RANGAP1: variants seen among roughly 807,000 people sequenced by gnomAD.
RANGAP1 encodes Ran GTPase activating protein 1.
Under a neutral mutation model 63.5 loss-of-function variants are expected in RANGAP1, and 38 were observed. The ratio of observed to expected loss-of-function variants is 0.60; its 90% CI spans 0.46 to 0.78. The LOEUF is 0.78. Ranked by LOEUF, RANGAP1 falls within the 30% of genes least tolerant of loss-of-function variation. The probability of loss-of-function intolerance (pLI) is 0.00; values close to 1 mark genes in which losing one functional copy is unlikely to be tolerated. For synonymous variants in RANGAP1, 329 were observed against 310.5 expected, an observed-to-expected ratio of 1.06 and a Z score of -0.63; for missense variants, 630 against 740.3, an observed-to-expected ratio of 0.85 and a Z score of 1.73.
chr22:41,281,223 G>C, intron 1 of RANGAP1, 141 bp from the exon 2 acceptor site: 5 of 1,010,420 alleles, frequency 4.9e-6, no homozygotes, highest in Non-Finnish European at 6.8e-6. Context: ...CTGGAAGAAA[G>C]GAAAACAGCA....
Position 41,249,311 on chromosome 22 carries a change from A to T in RANGAP1, c.1694+19T>A. 3 of 1,573,988 alleles carry T rather than the reference A, an allele frequency of 1.9e-6. No individual in the cohort carries two copies. The highest frequency in any genetic ancestry group is 2.6e-6 in the Non-Finnish European group (3 of 1,158,668). The stretch of plus-strand genomic sequence containing the variant: ...GCCCGAGAGGGCAGGCACCGGCAGA[A>T]GGACAAGGCCACACTCACTTGGTCA... On this transcript the variant is annotated intron_variant, in intron 15 of 15. Coordinates refer to ENST00000356244, the MANE Select transcript of RANGAP1 (RefSeq NM_002883.4).
At position 41,249,338 on chromosome 22, in the gene RANGAP1, G is replaced by A. The variant is rs754533610; in HGVS notation, c.1686C>T (p.Phe562=). The A allele has an allele frequency of 1.4e-5, 22 of 1,603,486 alleles. No homozygotes were observed. The Middle Eastern group carries it at 5.0e-4, about 36-fold the overall frequency. ...PKALAPLLLA[F]VTKPNSALES... ...GACAAGGCCACACTCACTTGGTCAC[G>A]AACGCCAGCAGCAGGGGTGCAAGGG... Residue 562 remains phenylalanine, a synonymous_variant, in exon 15 of 16, where the codon TTC becomes TTT. Transcript: ENST00000356244.
chr22:41,246,505 G>T lies in RANGAP1; in HGVS notation c.*98C>A. ...CACAGACCCGCCCTGCCTGTGGCCA[G>T]AGTCCTGTCCAAGGCAATGGCGTAG... is the stretch of plus-strand genomic sequence containing the variant. On this transcript the variant is annotated 3_prime_UTR_variant, in exon 16 of 16. Coordinates refer to ENST00000356244, the MANE Select transcript of RANGAP1 (RefSeq NM_002883.4). The T allele has an allele frequency of 7.5e-7, 1 of 1,337,292 alleles. No individual in the cohort carries two copies. Among genetic ancestry groups the T allele is most frequent in the Non-Finnish European group, 1.0e-6 (1 of 963,042 alleles). 82.8% of individuals were successfully genotyped at this position (1,337,292 alleles called of 1,614,324 possible).
chr22:41,281,566 G>A (rs1282650914), intron 1 of RANGAP1: 8 of 988,534 alleles, frequency 8.1e-6, no homozygotes, highest in Middle Eastern at 5.2e-4. Context: ...CACCACCCAC[G>A]CTGGCATGAC....
intron 3 of RANGAP1, among the ~76,000 whole-genome samples, chr22:41,273,903 A>G (rs2034988033): frequency 6.6e-6 from 1 of 151,470 alleles, no homozygotes; most frequent in African/African-American, 2.4e-5. Flanking sequence ...GTGAAACCCC[A>G]TCTCTACTAA....
intron 10 of RANGAP1, among the ~76,000 whole-genome samples, chr22:41,255,586 C>T (rs1203023325): frequency 6.7e-6 from 1 of 148,988 alleles, no homozygotes; most frequent in African/African-American, 2.5e-5. Context: ...GATCTGGCCT[C>T]ACCCCTTCAG....
In RANGAP1 at chr22:41,273,766, C is replaced by CAAAAA. The variant is rs71200678; in HGVS notation, c.240+829_240+833dup. Among the ~76,000 whole-genome samples, 74 of 24,354 alleles carry CAAAAA rather than the reference C, an allele frequency of 3.0e-3. 14 individuals carry two copies. The highest frequency in any genetic ancestry group is 0.011 in the African/African-American group (69 of 6,362). The allele number at this position is 24,354 out of a possible 152,430, so 16.0% of individuals were successfully genotyped here. A position where few individuals can be genotyped will look rare whatever the true frequency, so the allele number is the denominator to read the frequency against. On this transcript the variant is annotated intron_variant, in intron 3 of 15. Coordinates refer to ENST00000356244, the MANE Select transcript of RANGAP1 (RefSeq NM_002883.4). ...CGGGTGACAGTGTGAGACTCCATCT[C>CAAAAA]AAAAAAAAAAAAAAAAAAAAAAAAA...
Position 41,257,810 on chromosome 22 carries a change from TG to T in RANGAP1, c.774+137del. On this transcript the variant is annotated intron_variant, in intron 7 of 15. Transcript: ENST00000356244. This position sits in a 1 kb window ranked among gnomAD's most constrained non-coding sequence, Gnocchi z 4.0. ...CCTGTTCAGGACATGTTCAAAGAGCTGGAGCCATGGGGCACACACCCAGGGG... is the reference window on the plus strand; with the variant it reads ...CCTGTTCAGGACATGTTCAAAGAGCTGAGCCATGGGGCACACACCCAGGGG... 9.3e-7 allele frequency: 1 copy of T among 1,079,754 alleles called. No individual in the cohort carries two copies. Among genetic ancestry groups the T allele is most frequent in the Non-Finnish European group, 1.3e-6 (1 of 780,182 alleles). 66.9% of individuals were successfully genotyped at this position (1,079,754 alleles called of 1,614,324 possible). A position where few individuals can be genotyped will look rare whatever the true frequency, so the allele number is the denominator to read the frequency against.
At chr22:41,265,750 G>C (rs2034428944) in intron 4 of RANGAP1, among the ~76,000 whole-genome samples, 1 of 152,190 alleles carries the variant, frequency 6.6e-6, no homozygotes, top group South Asian at 2.1e-4. Flanking sequence ...GGTCAGAAAT[G>C]GGGCTGAGCA....
chr22:41,301,132 C>T, the RANGAP1 span, among the ~76,000 whole-genome samples: 1 of 152,060 alleles, frequency 6.6e-6, no homozygotes, highest in Non-Finnish European at 1.5e-5. Context: ...CAAGTGAGGT[C>T]CTGATTCTTC....
chr22:41,266,063 A>G (rs376779305), intron 4 of RANGAP1, among the ~76,000 whole-genome samples: 34 of 152,238 alleles, frequency 2.2e-4, no homozygotes, highest in African/African-American at 5.3e-4. Context: ...TTAGCCGGGC[A>G]TGGTGGCGGG....
the RANGAP1 span, among the ~76,000 whole-genome samples, chr22:41,295,201 C>A: frequency 6.6e-6 from 1 of 151,602 alleles, no homozygotes; most frequent in South Asian, 2.1e-4. Context: ...GGAGGTGTGC[C>A]CAGCAGCTCA....
intron 5 of RANGAP1, among the ~76,000 whole-genome samples, chr22:41,263,726 G>A (rs1834492194): frequency 6.6e-6 from 1 of 152,180 alleles, no homozygotes; most frequent in African/African-American, 2.4e-5. Context: ...ATAGCTTATT[G>A]CCCAAGTGGA....
chr22:41,263,667 G>A (rs780489410), intron 5 of RANGAP1, among the ~76,000 whole-genome samples: 66 of 152,256 alleles, frequency 4.3e-4, no homozygotes, highest in Admixed American at 2.0e-4. Flanking sequence ...TTACAGGCAT[G>A]AGCCACTGCA....
intron 13 of RANGAP1, 86 bp from the exon 14 acceptor site, chr22:41,249,903 G>T: frequency 8.3e-7 from 1 of 1,211,586 alleles, no homozygotes; most frequent in Non-Finnish European, 1.2e-6. Context: ...ACACCGCGCA[G>T]ACACAGGCTC....
chr22:41,299,827 C>T, the RANGAP1 span, among the ~76,000 whole-genome samples: 1 of 151,916 alleles, frequency 6.6e-6, no homozygotes, highest in South Asian at 2.1e-4. Context: ...TCCCGGCTCA[C>T]TGCAAGCTAC....
chr22:41,273,792 A>AAAAAAAAAAC (rs2034978617), intron 3 of RANGAP1, among the ~76,000 whole-genome samples: 1 of 141,872 alleles, frequency 7.0e-6, no homozygotes, highest in Non-Finnish European at 1.5e-5. Context: ...AAAAAAAAAA[A>AAAAAAAAAAC]AGGCCGGGAG....
chr22:41,268,262 TTC>T (rs2034599750), intron 3 of RANGAP1, 106 bp from the exon 4 acceptor site: 5 of 1,011,982 alleles, frequency 4.9e-6, no homozygotes, highest in Non-Finnish European at 7.5e-6. Flanking sequence ...CAAGACTTTT[TTC>T]TTTTTTTTGA....
In RANGAP1 at chr22:41,257,673, C is replaced by G. The variant is rs752892432; in HGVS notation, c.774+275G>C. On this transcript the variant is annotated intron_variant, in intron 7 of 15. Transcript: ENST00000356244. This position sits in a 1 kb window ranked among gnomAD's most constrained non-coding sequence, Gnocchi z 4.0. ...GGGGAGCAGTCTGCTCCTGTGCAGC[C>G]TGAGAACAAACCAGCGGCAGCCGCT... Among the ~76,000 whole-genome samples, 1 of 152,254 alleles carries G rather than the reference C, an allele frequency of 6.6e-6. No individual in the cohort carries two copies. The highest frequency in any genetic ancestry group is 1.5e-5 in the Non-Finnish European group (1 of 68,038).
Sources: allele counts gnomAD v4.1 joint callset (sites outside exome capture counted in the v4.1 genomes callset), GRCh38; gene constraint gnomAD v4.1.1; non-coding constraint Gnocchi (gnomAD v3.1); transcripts MANE v1.5; gene names NCBI Gene and HGNC (gene_info 2026-07-23, HGNC 2026-07-21).